Variants in PRSS12 observed in about 807,000 individuals in gnomAD.
PRSS12 encodes serine protease 12.
PRSS12 carries 85 observed loss-of-function variants against 104.4 expected under a neutral mutation model. That is an observed-to-expected ratio of 0.81 (90% CI 0.68 to 0.98). The LOEUF is 0.98. PRSS12 is among the 50% of genes least tolerant of loss of function. PRSS12 has a pLI of 0.00. For synonymous variants in PRSS12, 454 were observed against 425.2 expected (o/e 1.07, Z -0.83); for missense variants, 1,141 against 1,139.2 (o/e 1.00, Z -0.02).
intron 1 of PRSS12, among the ~76,000 whole-genome samples, chr4:118,344,835 T>C (rs937082891): frequency 6.6e-6 from 1 of 152,198 alleles, no homozygotes; most frequent in Non-Finnish European, 1.5e-5. Flanking sequence ...GGTTAAGCTA[T>C]AGTAGGCTAA....
chr4:118,321,302 A>G (rs1723611700), intron 4 of PRSS12, among the ~76,000 whole-genome samples: 1 of 152,222 alleles, frequency 6.6e-6, no homozygotes, highest in South Asian at 2.1e-4. Context: ...GCTGTTTCAA[A>G]GTATGTCTAT....
chr4:118,307,042 G>A (rs888092827), intron 8 of PRSS12, among the ~76,000 whole-genome samples: 2 of 152,028 alleles, frequency 1.3e-5, no homozygotes, highest in African/African-American at 4.8e-5. Flanking sequence ...AATGTACTGG[G>A]AATGTAATGC....
At position 118,331,794 on chromosome 4, in the gene PRSS12, G is replaced by A. The variant is rs778703118; in HGVS notation, c.893C>T (p.Ala298Val). The A allele has an allele frequency of 1.9e-6, 3 of 1,614,084 alleles. No individual in the cohort carries two copies. Among genetic ancestry groups the A allele is most frequent in the African/African-American group, 1.3e-5 (1 of 74,934 alleles). The change falls in exon 4 of 13, where the codon GCT becomes GTT. Residue 298 changes from alanine (A) to valine (V), a missense_variant. Transcript: ENST00000296498. ...ATCACAAACGGTTCCCCACTGGCCAGCATGGTAGAGCTCCACCCGGCCTTC... is the reference window on the plus strand; with the variant it reads ...ATCACAAACGGTTCCCCACTGGCCAACATGGTAGAGCTCCACCCGGCCTTC... ...VHEGRVELYH[A>V]GQWGTVCDDQ... is the part of the protein sequence containing the mutation.
At chr4:118,331,892 G>A in intron 3 of PRSS12, 26 bp from the exon 4 acceptor site, 14 of 1,613,150 alleles carry the variant, frequency 8.7e-6, no homozygotes, top group Non-Finnish European at 1.0e-5. Flanking sequence ...TTAAAAATAA[G>A]CAAAACCTAT....
At chr4:118,292,816 A>G (rs1261406738) in intron 11 of PRSS12, among the ~76,000 whole-genome samples, 1 of 152,110 alleles carries the variant, frequency 6.6e-6, no homozygotes, top group African/African-American at 2.4e-5. Context: ...GGAGTACAAG[A>G]CCAGCCTGGC....
At chr4:118,338,572 T>C (rs1326687137) in intron 1 of PRSS12, among the ~76,000 whole-genome samples, 1 of 152,192 alleles carries the variant, frequency 6.6e-6, no homozygotes, top group Admixed American at 6.5e-5. Context: ...AGTCCTATTA[T>C]AATTTTTTTC....
At chr4:118,305,592 G>A (rs1301808504) in intron 8 of PRSS12, among the ~76,000 whole-genome samples, 2 of 151,904 alleles carry the variant, frequency 1.3e-5, no homozygotes, top group African/African-American at 4.8e-5. Context: ...ATTTCCTTGT[G>A]TTCTTTTCTG....
chr4:118,313,562 C>T (rs963111322), intron 6 of PRSS12, among the ~76,000 whole-genome samples, 165 bp from the exon 7 acceptor site: 1 of 152,148 alleles, frequency 6.6e-6, no homozygotes, highest in Admixed American at 6.5e-5. Context: ...GTTCGCCCAG[C>T]CCATCACATG....
chr4:118,340,575 C>G (rs570766757), intron 1 of PRSS12, among the ~76,000 whole-genome samples: 1 of 152,214 alleles, frequency 6.6e-6, no homozygotes, highest in Admixed American at 6.5e-5. Context: ...TTTGAAACAA[C>G]TTTTTTAAAA....
intron 1 of PRSS12, among the ~76,000 whole-genome samples, chr4:118,345,483 G>A (rs1201305136): frequency 1.3e-5 from 2 of 152,090 alleles, no homozygotes; most frequent in African/African-American, 2.4e-5. Context: ...TTACTATGCA[G>A]CTAAGGAGAG....
At chr4:118,342,693 G>A (rs1044730961) in intron 1 of PRSS12, among the ~76,000 whole-genome samples, 1 of 152,010 alleles carries the variant, frequency 6.6e-6, no homozygotes, top group African/African-American at 2.4e-5. Flanking sequence ...TGAAATGAAC[G>A]GCTACCAAAA....
At chr4:118,284,552 C>A (rs1233543133) in intron 11 of PRSS12, among the ~76,000 whole-genome samples, 3 of 152,196 alleles carry the variant, frequency 2.0e-5, no homozygotes, top group East Asian at 3.8e-4. Flanking sequence ...CACCAGGTAA[C>A]CACACACCTC....
chr4:118,295,260 C>CTA (rs1489284947), intron 10 of PRSS12, among the ~76,000 whole-genome samples, 199 bp from the exon 11 acceptor site: 1 of 152,198 alleles, frequency 6.6e-6, no homozygotes. Context: ...ATCAGCAACT[C>CTA]TAAAGATTTG....
intron 11 of PRSS12, among the ~76,000 whole-genome samples, chr4:118,287,167 C>T (rs1008627270): frequency 3.3e-5 from 5 of 151,572 alleles, no homozygotes; most frequent in Non-Finnish European, 7.4e-5. Context: ...TTTTTTGAGA[C>T]AAGGGTTCAC....
chr4:118,349,520 C>T (rs1724439574), intron 1 of PRSS12, among the ~76,000 whole-genome samples: 1 of 152,096 alleles, frequency 6.6e-6, no homozygotes, highest in Non-Finnish European at 1.5e-5. Context: ...AGTCCATAAA[C>T]TACAAAATGA....
chr4:118,308,546 A>G lies in PRSS12; in HGVS notation c.1521T>C (p.Asn507=). 1 of 1,612,378 alleles carries G rather than the reference A, an allele frequency of 6.2e-7. No individual in the cohort carries two copies. Among genetic ancestry groups the G allele is most frequent in the Non-Finnish European group, 8.5e-7 (1 of 1,179,176 alleles). Residue 507 remains asparagine (N), a synonymous_variant, in exon 8 of 13, where the codon AAT becomes AAC. Transcript: ENST00000296498. ...GFPVRLMDGE[N]KKEGRVEVFI... ...AAACCTCCACTCGTCCTTCTTTCTT[A>G]TTTTCTCCATCCATCAGTCTGACAG... is the stretch of plus-strand genomic sequence containing the variant.
At chr4:118,316,823 C>T (rs570440312) in intron 5 of PRSS12, among the ~76,000 whole-genome samples, 163 of 16,808 alleles carry the variant, frequency 9.7e-3, no homozygotes, top group Non-Finnish European at 0.042. Context: ...CTCCGTCTCA[C>T]GGAAAAAAAA....
chr4:118,298,686 G>A (rs775780097), intron 9 of PRSS12, 47 bp downstream of exon 9: 1 of 1,524,650 alleles, frequency 6.6e-7, no homozygotes, highest in East Asian at 2.3e-5. Flanking sequence ...TAATGGAATG[G>A]GAATTAGTAT....
intron 2 of PRSS12, 119 bp from the exon 3 acceptor site, chr4:118,335,770 A>T (rs1262769271): frequency 1.0e-6 from 1 of 969,242 alleles, no homozygotes; most frequent in East Asian, 2.5e-5. Context: ...AGAAACAAAG[A>T]AAGAAAGAAG....
Sources: allele counts gnomAD v4.1 joint callset (sites outside exome capture counted in the v4.1 genomes callset), GRCh38; gene constraint gnomAD v4.1.1; transcripts MANE v1.5; gene names NCBI Gene and HGNC (gene_info 2026-07-23, HGNC 2026-07-21).